SNRNP200: variants seen among roughly 807,000 people sequenced by gnomAD.
The protein encoded by SNRNP200 is U5 small nuclear ribonucleoprotein 200 kDa helicase.
In SNRNP200, 66 loss-of-function variants were observed where a neutral mutation model predicts 255.2. That is an observed-to-expected ratio of 0.26 (90% CI 0.21 to 0.32). The LOEUF (loss-of-function observed/expected upper bound fraction) is 0.32, where lower values mean the gene tolerates loss of function less well. SNRNP200 is among the 10% of genes least tolerant of loss of function. SNRNP200 has a pLI of 1.00. For missense variants in SNRNP200, 1,585 were observed against 2,749.8 expected (o/e 0.58, Z 9.47); for synonymous variants, 939 against 1,027.8 (o/e 0.91, Z 1.65).
chr2:96,298,239 A>T, intron 9 of SNRNP200, 45 bp downstream of exon 9: 1 of 1,613,650 alleles, frequency 6.2e-7, no homozygotes, highest in East Asian at 2.2e-5. Flanking sequence ...TCTTCTAGCC[A>T]CCGTTAGCTC....
In SNRNP200 at chr2:96,278,480, C is replaced by T. The variant is rs1684706143; in HGVS notation, c.5488+67G>A. The stretch of plus-strand genomic sequence containing the variant: ...TGACAAACACGGGCGCACCTCTCAT[C>T]CCAGTGGGCTCCTGACCCGTGTAAA... On this transcript the variant is annotated intron_variant, in intron 38 of 44. Transcript: ENST00000323853. This position sits in a 1 kb window ranked among gnomAD's most constrained non-coding sequence, Gnocchi z 6.9. The T allele has an allele frequency of 6.8e-6, 11 of 1,611,026 alleles. No homozygotes were observed. Among genetic ancestry groups the T allele is most frequent in the Non-Finnish European group, 8.5e-6 (10 of 1,179,522 alleles).
In SNRNP200 at chr2:96,305,464, C is replaced by T. The variant is rs886056469; in HGVS notation, c.-27G>A. 1.8e-5 allele frequency: 29 copies of T among 1,613,730 alleles called. No individual in the cohort carries two copies. Among genetic ancestry groups the T allele is most frequent in the Non-Finnish European group, 2.5e-5 (29 of 1,180,012 alleles). On this transcript the variant is annotated 5_prime_UTR_variant, in exon 1 of 45. Transcript: ENST00000323853. ...GCCGCGGCTGCTCGGAGGCTTCAGACCACCACGCCTCCCTACCGCAAGCTG... is the reference window on the plus strand; with the variant it reads ...GCCGCGGCTGCTCGGAGGCTTCAGATCACCACGCCTCCCTACCGCAAGCTG...
chr2:96,281,892 C>G lies in SNRNP200; in HGVS notation c.4946G>C (p.Ser1649Thr), dbSNP rs1362471784. The stretch of plus-strand genomic sequence containing the variant: ...AGCCACGTTCATGCCCCAGCAGAGA[C>G]TCCGAGAAGCCACCACCACCTGGAT... ...GAIQVVVASR[S>T]LCWGMNVAAH... Residue 1649 changes from serine to threonine, a missense_variant, in exon 35 of 45, where the codon AGT (serine) becomes ACT (threonine). This residue lies in a region of SNRNP200 where 719 missense variants were observed against 1,091.1 expected (regional missense o/e 0.66). Coordinates refer to ENST00000323853, the MANE Select transcript of SNRNP200 (RefSeq NM_014014.5). 1 of 1,614,098 alleles carries G rather than the reference C, an allele frequency of 6.2e-7. No individual in the cohort carries two copies. The highest frequency in any genetic ancestry group is 1.1e-5 in the South Asian group (1 of 91,084).
chr2:96,279,833 C>T (rs115972458), intron 35 of SNRNP200: 4,498 of 403,428 alleles, frequency 0.011, 47 homozygotes, highest in Non-Finnish European at 0.013. Flanking sequence ...ACCAAAATAA[C>T]TCCCTATTCG....
At chr2:96,304,656 GA>G in intron 2 of SNRNP200, 48 bp downstream of exon 2, 1 of 1,611,054 alleles carries the variant, frequency 6.2e-7, no homozygotes, top group South Asian at 1.1e-5. Flanking sequence ...ATGTTAAAGG[GA>G]AGAGACTTTG....
In SNRNP200 at chr2:96,290,613, C is replaced by T; in HGVS notation, c.2553+71G>A. The stretch of plus-strand genomic sequence containing the variant: ...CAGAACTAGACCTCTGATCTGCTAG[C>T]TTTCCAGCATCCCTGCATTTCAGGC... On this transcript the variant is annotated intron_variant, in intron 19 of 44. Transcript: ENST00000323853. The surrounding 1 kb of genome is among the most constrained non-coding windows in gnomAD (Gnocchi z 4.5). 2 of 1,613,120 alleles carry T rather than the reference C, an allele frequency of 1.2e-6. No homozygotes were observed. Among genetic ancestry groups the T allele is most frequent in the Middle Eastern group, 1.7e-4 (1 of 6,028 alleles).
Position 96,290,747 on chromosome 2 carries a change from G to A in SNRNP200, c.2490C>T (p.Gly830=). The A allele has an allele frequency of 6.2e-7, 1 of 1,614,222 alleles. No homozygotes were observed. The part of the protein sequence containing the change: ...NLPAHTVIIK[G]TQVYSPEKGR... Reference sequence around the variant, plus strand: ...CCTTCTCTGGACTGTACACCTGGGTGCCTTTGATGATGACTGTATGTGCAG... The same window carrying A: ...CCTTCTCTGGACTGTACACCTGGGTACCTTTGATGATGACTGTATGTGCAG... The change falls in exon 19 of 45, where the codon GGC becomes GGT. Residue 830 remains glycine, a synonymous_variant. Coordinates refer to ENST00000323853, the MANE Select transcript of SNRNP200 (RefSeq NM_014014.5). This position sits in a 1 kb window ranked among gnomAD's most constrained non-coding sequence, Gnocchi z 4.5.
At chr2:96,297,611 G>A in intron 10 of SNRNP200, 26 bp downstream of exon 10, 2 of 1,614,114 alleles carry the variant, frequency 1.2e-6, no homozygotes, top group Non-Finnish European at 1.7e-6. Flanking sequence ...ATCAAGGCCT[G>A]GGAAATAAAT....
At position 96,301,131 on chromosome 2, in the gene SNRNP200, C is replaced by T. The variant is rs538045945; in HGVS notation, c.575-78G>A. On this transcript the variant is annotated intron_variant, in intron 4 of 44. Coordinates refer to ENST00000323853, the MANE Select transcript of SNRNP200 (RefSeq NM_014014.5). ...GGCACTCTGGAGCCAATGTCCTCCC[C>T]GACTACCTCTCCTCAGGAAAGATCT... 558 of 1,175,276 alleles carry T rather than the reference C, an allele frequency of 4.7e-4. 2 individuals are homozygous for T. Among genetic ancestry groups the T allele is most frequent in the Admixed American group, 8.0e-4 (47 of 58,964 alleles). 72.8% of individuals were successfully genotyped at this position (1,175,276 alleles called of 1,614,324 possible).
chr2:96,295,930 G>A (rs939334868), intron 13 of SNRNP200, among the ~76,000 whole-genome samples: 1 of 152,150 alleles, frequency 6.6e-6, no homozygotes, highest in Non-Finnish European at 1.5e-5. Flanking sequence ...CAGAATGCTT[G>A]AGCCCAGGAG....
rs2063892405 is a variant in SNRNP200, at chr2:96,292,894, G to A, written c.2160+78C>T. The A allele has an allele frequency of 3.3e-6, 5 of 1,527,938 alleles. No individual in the cohort carries two copies. In the Admixed American group the frequency reaches 6.7e-5, roughly 21 times the overall value. The allele number at this position is 1,527,938 out of a possible 1,614,324, so 94.6% of individuals were successfully genotyped here. A position where few individuals can be genotyped will look rare whatever the true frequency, so the allele number is the denominator to read the frequency against. ...TTGTGTCTTCTCTCTTTTAATTTCTGTCAATCTTCCCCAATTATTGGTGAA... is the reference window on the plus strand; with the variant it reads ...TTGTGTCTTCTCTCTTTTAATTTCTATCAATCTTCCCCAATTATTGGTGAA... On this transcript the variant is annotated intron_variant, in intron 16 of 44. Transcript: ENST00000323853.
In SNRNP200 at chr2:96,274,772, G is replaced by C. The variant is rs1184753897; in HGVS notation, c.*240C>G. 7.1e-6 allele frequency: 4 copies of C among 562,634 alleles called. No homozygotes were observed. The Admixed American group carries it at 1.2e-4, about 17-fold the overall frequency. The allele number at this position is 562,634 out of a possible 1,614,324, so 34.9% of individuals were successfully genotyped here. Reference sequence around the variant, plus strand: ...TTTTATTAGAATGTCAGACTCAAAAGAACTACCAGGAACATGCCTGAAAAT... The same window carrying C: ...TTTTATTAGAATGTCAGACTCAAAACAACTACCAGGAACATGCCTGAAAAT... On this transcript the variant is annotated 3_prime_UTR_variant, in exon 45 of 45. Coordinates refer to ENST00000323853, the MANE Select transcript of SNRNP200 (RefSeq NM_014014.5).
rs746321426 is a variant in SNRNP200, at chr2:96,286,651, G to GGACT, written c.3829+33_3829+36dup. 7 of 1,608,726 alleles carry GGACT rather than the reference G, an allele frequency of 4.4e-6. No individual in the cohort carries two copies. The Admixed American group carries it at 1.0e-4, about 23-fold the overall frequency. ...AGACATTCTTCTACTGTCCTTGGAG[G>GGACT]GACTGTTCCTGGGGACTCTGGAGAG... is the stretch of plus-strand genomic sequence containing the variant. On this transcript the variant is annotated intron_variant, in intron 28 of 44. Transcript: ENST00000323853. This position sits in a 1 kb window ranked among gnomAD's most constrained non-coding sequence, Gnocchi z 4.8.
In SNRNP200 at chr2:96,283,384, G is replaced by A; in HGVS notation, c.4764-32C>T. The stretch of plus-strand genomic sequence containing the variant: ...GGTACAGGCACTGGCTCAGCTCAGA[G>A]TAGTTCAATTCCTGGCAGACACTTT... On this transcript the variant is annotated intron_variant, in intron 33 of 44. Coordinates refer to ENST00000323853, the MANE Select transcript of SNRNP200 (RefSeq NM_014014.5). The surrounding 1 kb of genome is among the most constrained non-coding windows in gnomAD (Gnocchi z 4.7). 1 of 1,614,092 alleles carries A rather than the reference G, an allele frequency of 6.2e-7. No homozygotes were observed. The highest frequency in any genetic ancestry group is 8.5e-7 in the Non-Finnish European group (1 of 1,180,030).
At position 96,278,631 on chromosome 2, in the gene SNRNP200, T is replaced by G. The variant is rs757783750; in HGVS notation, c.5404A>C (p.Ile1802Leu). 1.2e-6 allele frequency: 2 copies of G among 1,614,236 alleles called. No individual in the cohort carries two copies. The highest frequency in any genetic ancestry group is 1.7e-5 in the Admixed American group (1 of 60,026). The change falls in exon 38 of 45, where the codon ATC (isoleucine) becomes CTC (leucine). Residue 1802 changes from isoleucine (I) to leucine (L), a missense_variant. This residue lies in a region of SNRNP200 where 279 missense variants were observed against 551.2 expected (regional missense o/e 0.51). Coordinates refer to ENST00000323853, the MANE Select transcript of SNRNP200 (RefSeq NM_014014.5). This position sits in a 1 kb window ranked among gnomAD's most constrained non-coding sequence, Gnocchi z 6.9. ...TLSDLEQSKC[I>L]SIEDEMDVAP... ...ACGTCCATCTCGTCCTCGATGCTGA[T>G]GCACTTGGACTGCTCCAGGTCACTC...
chr2:96,300,835 A>AC (rs2063948061), intron 5 of SNRNP200, among the ~76,000 whole-genome samples, 163 bp downstream of exon 5: 1 of 152,212 alleles, frequency 6.6e-6, no homozygotes, highest in Admixed American at 6.5e-5. Flanking sequence ...AGATAACTGC[A>AC]CTTTTTTTTA....
chr2:96,298,887 C>T lies in SNRNP200; in HGVS notation c.810G>A (p.Arg270=). The part of the protein sequence containing the change: ...PRDIDAFWLQ[R]QLSRFYDDAI... ...CATCATCATAGAAACGACTGAGCTG[C>T]CGCTGCAGCCAAAATGCATCAATAT... is the stretch of plus-strand genomic sequence containing the variant. Residue 270 remains arginine, a synonymous_variant, in exon 7 of 45, where the codon CGG becomes CGA. Coordinates refer to ENST00000323853, the MANE Select transcript of SNRNP200 (RefSeq NM_014014.5). The T allele has an allele frequency of 6.2e-7, 1 of 1,614,200 alleles. No individual in the cohort carries two copies. The highest frequency in any genetic ancestry group is 2.2e-5 in the East Asian group (1 of 44,892).
chr2:96,289,861 C>T lies in SNRNP200; in HGVS notation c.2878G>A (p.Ala960Thr). 1 of 1,614,198 alleles carries T rather than the reference C, an allele frequency of 6.2e-7. No individual in the cohort carries two copies. The highest frequency in any genetic ancestry group is 1.3e-5 in the African/African-American group (1 of 75,040). Residue 960 changes from alanine (A) to threonine (T), a missense_variant, in exon 21 of 45, where the codon GCT becomes ACT. This residue lies in a region of SNRNP200 where 719 missense variants were observed against 1,091.1 expected (regional missense o/e 0.66). Transcript: ENST00000323853. Reference sequence around the variant, plus strand: ...TTGTTCTTGTCCAGCATCAGGGCAGCTGTATGAACCAGATCTAGTCGGCGC... The same window carrying T: ...TTGTTCTTGTCCAGCATCAGGGCAGTTGTATGAACCAGATCTAGTCGGCGC... ...DQRRLDLVHT[A>T]ALMLDKNNLV...
At position 96,291,926 on chromosome 2, in the gene SNRNP200, A is replaced by G. The variant is rs768399071; in HGVS notation, c.2161-26T>C. 6.2e-7 allele frequency: 1 copy of G among 1,612,556 alleles called. No individual in the cohort carries two copies. Among genetic ancestry groups the G allele is most frequent in the African/African-American group, 1.3e-5 (1 of 74,916 alleles). On this transcript the variant is annotated intron_variant, in intron 16 of 44. Transcript: ENST00000323853. The surrounding 1 kb of genome is among the most constrained non-coding windows in gnomAD (Gnocchi z 4.2). ...CTAAGGAGAAGCCACAGTTTGCTAC[A>G]GTCACGAGATACTCACAGCCCCAGG...
Sources: gnomAD v4.1 joint callset for allele counts (sites outside exome capture counted in the v4.1 genomes callset) on GRCh38, gnomAD v4.1.1 for gene constraint, gnomAD v4.1.1 regional missense constraint, Gnocchi (gnomAD v3.1) non-coding constraint, MANE v1.5 for transcripts, NCBI Gene and HGNC (gene_info 2026-07-23, HGNC 2026-07-21) for gene names.